CCNY: variants seen among roughly 807,000 people sequenced by gnomAD.
CCNY encodes cyclin Y.
In CCNY, 19 loss-of-function variants were observed where a neutral mutation model predicts 42.8. The ratio of observed to expected loss-of-function variants is 0.44; its 90% CI spans 0.31 to 0.65. The LOEUF (loss-of-function observed/expected upper bound fraction) is 0.65. Ranked by LOEUF, CCNY falls within the 30% of genes least tolerant of loss-of-function variation. CCNY has a pLI of 0.07. For synonymous variants in CCNY, 165 were observed against 162.7 expected (o/e 1.01, Z -0.11); for missense variants, 370 against 437.3 (o/e 0.85, Z 1.37).
In CCNY at chr10:35,364,239, C is replaced by G. The variant is rs1470654177; in HGVS notation, c.154+27032C>G. ...CTTCTGGTCATTTAGCCCTTTCACC[C>G]GTAATTCACCATCCGTCTAAACAAT... On this transcript the variant is annotated intron_variant, in intron 1 of 9. Transcript: ENST00000374704. 2.6e-5 allele frequency among the ~76,000 whole-genome samples: 4 copies of G among 151,902 alleles called. No homozygotes were observed. The South Asian group carries it at 8.3e-4, about 32-fold the overall frequency.
rs1589183262 is a variant in CCNY at position 35,528,271 on chromosome 10, C to T, written c.402-1702C>T. ...GTTGGTATCAGAGTGTAACCACGTG[C>T]ACCCAGAAGCTGCTTTTTGCTCACA... On this transcript the variant is annotated intron_variant, in intron 5 of 9. Transcript: ENST00000374704. 1.3e-5 allele frequency among the ~76,000 whole-genome samples: 2 copies of T among 152,198 alleles called. 1 individual carries two copies. Among genetic ancestry groups the T allele is most frequent in the Non-Finnish European group, 2.9e-5 (2 of 68,032 alleles).
At chr10:35,440,308 C>A (rs1316115287) in intron 1 of CCNY, among the ~76,000 whole-genome samples, 2 of 152,126 alleles carry the variant, frequency 1.3e-5, no homozygotes, top group Admixed American at 1.3e-4. Context: ...GGGAACTCAC[C>A]CCTGTGCTGT....
At chr10:35,454,158 G>A (rs1033133832) in intron 1 of CCNY, among the ~76,000 whole-genome samples, 6 of 152,200 alleles carry the variant, frequency 3.9e-5, no homozygotes, top group Non-Finnish European at 2.9e-5. Context: ...CAGTACCTGA[G>A]TGAGAAATAA....
chr10:35,416,109 C>T (rs571259834), intron 1 of CCNY, among the ~76,000 whole-genome samples: 1 of 151,702 alleles, frequency 6.6e-6, no homozygotes, highest in South Asian at 2.1e-4. Flanking sequence ...CACTGGTACC[C>T]GTGGGGTGCT....
At chr10:35,406,436 C>G (rs943315511) in intron 1 of CCNY, among the ~76,000 whole-genome samples, 3 of 151,712 alleles carry the variant, frequency 2.0e-5, no homozygotes, top group East Asian at 3.9e-4. Flanking sequence ...TGACTCTCAA[C>G]GAGCATGCTG....
intron 7 of CCNY, among the ~76,000 whole-genome samples, chr10:35,543,992 G>A (rs937234185): frequency 2.0e-5 from 3 of 152,272 alleles, no homozygotes; most frequent in African/African-American, 7.2e-5. Context: ...AAATATTTTT[G>A]TACAGCTGTA....
chr10:35,482,030 T>C (rs989039647), intron 1 of CCNY, among the ~76,000 whole-genome samples: 1 of 152,210 alleles, frequency 6.6e-6, no homozygotes, highest in African/African-American at 2.4e-5. Flanking sequence ...GTAGCATCTG[T>C]TTAAGATTCA....
chr10:35,341,392 A>G (rs917671914), intron 1 of CCNY, among the ~76,000 whole-genome samples: 1 of 152,178 alleles, frequency 6.6e-6, no homozygotes, highest in African/African-American at 2.4e-5. Flanking sequence ...CCCACTGGCA[A>G]TCCCAATGCA....
chr10:35,366,603 G>A (rs1836812232), intron 1 of CCNY, among the ~76,000 whole-genome samples: 1 of 152,220 alleles, frequency 6.6e-6, no homozygotes, highest in South Asian at 2.1e-4. Flanking sequence ...CCATGCTGTA[G>A]CTGAGTGTGG....
intron 1 of CCNY, among the ~76,000 whole-genome samples, chr10:35,449,509 C>T (rs949587249): frequency 2.0e-5 from 3 of 151,950 alleles, no homozygotes; most frequent in Non-Finnish European, 4.4e-5. Context: ...CCTGGCTGAA[C>T]AGGAAGCAAA....
chr10:35,423,166 T>C (rs1838194614), intron 1 of CCNY, among the ~76,000 whole-genome samples: 1 of 152,084 alleles, frequency 6.6e-6, no homozygotes, highest in South Asian at 2.1e-4. Flanking sequence ...TTTTATAGAG[T>C]CTTTTTTCAT....
chr10:35,420,074 G>T (rs567129486), intron 1 of CCNY, among the ~76,000 whole-genome samples: 7 of 152,012 alleles, frequency 4.6e-5, no homozygotes, highest in Admixed American at 3.3e-4. Context: ...TAGGTCCTAT[G>T]TCTGTGCTTG....
intron 1 of CCNY, among the ~76,000 whole-genome samples, chr10:35,388,702 T>C (rs955238829): frequency 2.6e-5 from 4 of 152,248 alleles, no homozygotes; most frequent in African/African-American, 9.6e-5. Flanking sequence ...CTATGCACTT[T>C]CTGGCTTAAA....
intron 1 of CCNY, among the ~76,000 whole-genome samples, chr10:35,346,041 GGCTT>G (rs1339083573): frequency 6.6e-6 from 1 of 152,014 alleles, no homozygotes; most frequent in Non-Finnish European, 1.5e-5. Flanking sequence ...CTGGAGCCAG[GGCTT>G]GCTTGCTTGC....
intron 4 of CCNY, among the ~76,000 whole-genome samples, chr10:35,524,308 C>A (rs900817298): frequency 6.6e-6 from 1 of 152,176 alleles, no homozygotes; most frequent in African/African-American, 2.4e-5. Context: ...AGCTTCAATG[C>A]TTTTCAAGAT....
rs114484955 is a variant in CCNY, at chr10:35,389,022, T to G, written c.154+51815T>G. Reference sequence around the variant, plus strand: ...ACCCAGATAATACCAGGAACATCTGTTTTATAGTCAGTGGATTAACAACTT... The same window carrying G: ...ACCCAGATAATACCAGGAACATCTGGTTTATAGTCAGTGGATTAACAACTT... On this transcript the variant is annotated intron_variant, in intron 1 of 9. Transcript: ENST00000374704. Among the ~76,000 whole-genome samples, 485 of 152,300 alleles carry G rather than the reference T, an allele frequency of 3.2e-3. 3 individuals carry two copies. The highest frequency in any genetic ancestry group is 0.011 in the African/African-American group (458 of 41,548).
chr10:35,570,544 T>G lies in CCNY; in HGVS notation c.*1374T>G, dbSNP rs1415140027. 1 of 152,268 alleles carries G rather than the reference T, an allele frequency of 6.6e-6. No homozygotes were observed. The highest frequency in any genetic ancestry group is 1.9e-4 in the East Asian group (1 of 5,324). The allele number at this position is 152,268 out of a possible 1,614,324, so 9.4% of individuals were successfully genotyped here. A position where few individuals can be genotyped will look rare whatever the true frequency, so the allele number is the denominator to read the frequency against. On this transcript the variant is annotated 3_prime_UTR_variant, in exon 10 of 10. Coordinates refer to ENST00000374704, the MANE Select transcript of CCNY (RefSeq NM_145012.6). ...GTGAATTTGATATGAAATCTAAGAGTGTGAGTCACTTGCATATGTAATGCT... is the reference window on the plus strand; with the variant it reads ...GTGAATTTGATATGAAATCTAAGAGGGTGAGTCACTTGCATATGTAATGCT...
chr10:35,360,216 T>C (rs745816122), intron 1 of CCNY, among the ~76,000 whole-genome samples: 2 of 152,238 alleles, frequency 1.3e-5, no homozygotes, highest in African/African-American at 4.8e-5. Context: ...CCATATTATA[T>C]GGGCCTTATG....
chr10:35,494,421 G>A (rs766658821), intron 2 of CCNY, among the ~76,000 whole-genome samples: 2 of 151,996 alleles, frequency 1.3e-5, no homozygotes, highest in South Asian at 2.1e-4. Flanking sequence ...AAATGATAAC[G>A]TCACCTCCAC....
Sources: gnomAD v4.1 joint callset for allele counts (sites outside exome capture counted in the v4.1 genomes callset) on GRCh38, gnomAD v4.1.1 for gene constraint, MANE v1.5 for transcripts, NCBI Gene and HGNC (gene_info 2026-07-23, HGNC 2026-07-21) for gene names.